CDH4: variants seen among roughly 807,000 people sequenced by gnomAD.
CDH4 encodes cadherin 4.
CDH4 carries 33 observed loss-of-function variants against 86.0 expected under a neutral mutation model. The ratio of observed to expected loss-of-function variants is 0.38; its 90% CI spans 0.29 to 0.51. CDH4 has a LOEUF of 0.51. Ranked by LOEUF, CDH4 falls within the 20% of genes least tolerant of loss-of-function variation. CDH4 has a pLI of 0.86. For synonymous variants in CDH4, 555 were observed against 549.4 expected (o/e 1.01, Z -0.14); for missense variants, 1,114 against 1,307.4 (o/e 0.85, Z 2.28).
At chr20:61,868,610 C>T (rs960472989) in intron 6 of CDH4, among the ~76,000 whole-genome samples, 2 of 152,234 alleles carry the variant, frequency 1.3e-5, no homozygotes, top group Non-Finnish European at 2.9e-5. Flanking sequence ...CAGATGTCCC[C>T]TCCACGCTGG....
At chr20:61,804,578 GT>G (rs1980024928) in intron 4 of CDH4, among the ~76,000 whole-genome samples, 1 of 152,190 alleles carries the variant, frequency 6.6e-6, no homozygotes, top group South Asian at 2.1e-4. Flanking sequence ...TACCATATGG[GT>G]TCCCCTCTGA....
intron 3 of CDH4, among the ~76,000 whole-genome samples, chr20:61,758,152 G>A (rs183757746): frequency 2.9e-4 from 44 of 152,330 alleles, no homozygotes; most frequent in East Asian, 1.2e-3. Context: ...ACCAAGCCCC[G>A]GGACAGGTGG....
intron 2 of CDH4, among the ~76,000 whole-genome samples, chr20:61,506,600 G>A (rs957283729): frequency 2.6e-5 from 4 of 152,210 alleles, no homozygotes; most frequent in African/African-American, 4.8e-5. Flanking sequence ...TAATTCAGTG[G>A]ATATTTACAT....
At chr20:61,898,216 G>T (rs949186079) in intron 8 of CDH4, among the ~76,000 whole-genome samples, 2 of 152,266 alleles carry the variant, frequency 1.3e-5, no homozygotes, top group African/African-American at 4.8e-5. Flanking sequence ...TGCCGCACAT[G>T]CCGCCAGGCT....
intron 15 of CDH4, among the ~76,000 whole-genome samples, chr20:61,936,274 C>G (rs556057079): frequency 2.1e-5 from 3 of 139,768 alleles, no homozygotes; most frequent in Non-Finnish European, 4.6e-5. Flanking sequence ...CCCTTGCCCT[C>G]TCCCACACCC....
chr20:61,389,942 C>T (rs550451297), intron 2 of CDH4, among the ~76,000 whole-genome samples: 22 of 148,380 alleles, frequency 1.5e-4, no homozygotes, highest in South Asian at 1.1e-3. Context: ...TGGGTTCGTG[C>T]GGTCATAGGG....
chr20:61,523,965 A>G (rs2085891892), intron 2 of CDH4, among the ~76,000 whole-genome samples: 1 of 152,250 alleles, frequency 6.6e-6, no homozygotes, highest in Non-Finnish European at 1.5e-5. Context: ...TAAAGAAGCA[A>G]GATATCTGAC....
intron 2 of CDH4, among the ~76,000 whole-genome samples, chr20:61,669,791 A>G (rs1435350492): frequency 6.6e-6 from 1 of 152,186 alleles, no homozygotes; most frequent in African/African-American, 2.4e-5. Context: ...TGACAGCTGT[A>G]TTTTTGAGAG....
intron 6 of CDH4, among the ~76,000 whole-genome samples, chr20:61,873,393 G>A (rs1157177623): frequency 2.0e-5 from 3 of 152,226 alleles, no homozygotes; most frequent in Non-Finnish European, 2.9e-5. Context: ...CAGGCCACCC[G>A]GCTCCAGGCC....
At chr20:61,885,311 C>T (rs1044609522) in intron 7 of CDH4, among the ~76,000 whole-genome samples, 1 of 151,846 alleles carries the variant, frequency 6.6e-6, no homozygotes, top group African/African-American at 2.4e-5. Context: ...CCCTTACCCC[C>T]AGCTCCCCCA....
At chr20:61,580,122 CA>C (rs112380204) in intron 2 of CDH4, among the ~76,000 whole-genome samples, 304 of 138,952 alleles carry the variant, frequency 2.2e-3, no homozygotes, top group East Asian at 3.2e-3. Context: ...TACACTGCTA[CA>C]AAAAAAAAAA....
At chr20:61,603,451 G>T (rs1482560910) in intron 2 of CDH4, among the ~76,000 whole-genome samples, 1 of 152,222 alleles carries the variant, frequency 6.6e-6, no homozygotes, top group Non-Finnish European at 1.5e-5. Flanking sequence ...CAGGCAGGCA[G>T]TTGGGCGGCT....
chr20:61,254,115 C>T (rs1165862810), intron 1 of CDH4, among the ~76,000 whole-genome samples: 1 of 152,202 alleles, frequency 6.6e-6, no homozygotes, highest in East Asian at 1.9e-4. Flanking sequence ...GAGCGAGCTC[C>T]GGAGGACAGG....
rs2085827497 is a variant in CDH4, at chr20:61,517,102, C to T, written c.170-226461C>T. On this transcript the variant is annotated intron_variant, in intron 2 of 15. Coordinates refer to ENST00000614565, the MANE Select transcript of CDH4 (RefSeq NM_001794.5). The surrounding 1 kb of genome is among the most constrained non-coding windows in gnomAD (Gnocchi z 6.6). ...CCTTCCAGAAAGCTCCCTCAGGCCC[C>T]TTGTGGCCACGATCCCTTCACCAAA... is the stretch of plus-strand genomic sequence containing the variant. Among the ~76,000 whole-genome samples the T allele has an allele frequency of 6.6e-6, 1 of 152,234 alleles. No homozygotes were observed. Among genetic ancestry groups the T allele is most frequent in the Non-Finnish European group, 1.5e-5 (1 of 68,042 alleles).
intron 2 of CDH4, among the ~76,000 whole-genome samples, chr20:61,612,808 G>C (rs980552961): frequency 6.6e-6 from 1 of 152,086 alleles, no homozygotes; most frequent in Non-Finnish European, 1.5e-5. Flanking sequence ...GTCACCCACA[G>C]GGCTTGGCTT....
intron 6 of CDH4, among the ~76,000 whole-genome samples, chr20:61,858,543 G>T (rs1983174674): frequency 6.6e-6 from 1 of 152,084 alleles, no homozygotes; most frequent in African/African-American, 2.4e-5. Context: ...GCGTCTGTGT[G>T]TGTGTCTGTG....
intron 2 of CDH4, among the ~76,000 whole-genome samples, chr20:61,736,935 G>C (rs1024167429): frequency 4.6e-5 from 7 of 152,226 alleles, no homozygotes; most frequent in African/African-American, 1.7e-4. Context: ...CCGGAAAGGG[G>C]AAGGGGAGAC....
At chr20:61,590,497 G>A (rs1321380107) in intron 2 of CDH4, among the ~76,000 whole-genome samples, 1 of 152,176 alleles carries the variant, frequency 6.6e-6, no homozygotes, top group Non-Finnish European at 1.5e-5. Flanking sequence ...TCTTTGACAA[G>A]AGTCTTTCTT....
intron 2 of CDH4, among the ~76,000 whole-genome samples, chr20:61,437,957 C>T (rs147654321): frequency 4.1e-4 from 62 of 152,274 alleles, no homozygotes; most frequent in African/African-American, 1.3e-3. Flanking sequence ...CTTCATGGGC[C>T]GGATGTCCAT....
Sources: allele counts gnomAD v4.1 joint callset (sites outside exome capture counted in the v4.1 genomes callset), GRCh38; gene constraint gnomAD v4.1.1; non-coding constraint Gnocchi (gnomAD v3.1); transcripts MANE v1.5; gene names NCBI Gene and HGNC (gene_info 2026-07-23, HGNC 2026-07-21).